Variants in EFCAB13 observed in about 807,000 individuals in gnomAD.
EFCAB13 encodes EF-hand calcium-binding domain-containing protein 13.
A neutral mutation model predicts 110.2 loss-of-function variants in EFCAB13; 91 were observed. The observed-to-expected ratio is 0.83, with a 90% CI of 0.70 to 0.98. The LOEUF (loss-of-function observed/expected upper bound fraction) is 0.98. Among genes scored for constraint, EFCAB13 ranks in the 50% least tolerant of loss-of-function variants. The pLI is 0.00. For synonymous variants in EFCAB13, 323 were observed against 369.9 expected (o/e 0.87, Z 1.45); for missense variants, 968 against 1,119.4 (o/e 0.86, Z 1.93).
At chr17:47,337,318 T>A (rs1204480433) in intron 5 of EFCAB13, among the ~76,000 whole-genome samples, 1 of 152,136 alleles carries the variant, frequency 6.6e-6, no homozygotes, top group Non-Finnish European at 1.5e-5. Flanking sequence ...GCTAAACAAT[T>A]CATACACATG....
At chr17:47,422,412 AAGAT>A (rs1904753441) in intron 23 of EFCAB13, among the ~76,000 whole-genome samples, 1 of 152,204 alleles carries the variant, frequency 6.6e-6, no homozygotes, top group Non-Finnish European at 1.5e-5. Flanking sequence ...CAGAATAAGA[AAGAT>A]AAGGATTAAA....
chr17:47,364,910 T>TA (rs1243564886), intron 10 of EFCAB13, among the ~76,000 whole-genome samples: 1 of 152,220 alleles, frequency 6.6e-6, no homozygotes, highest in Non-Finnish European at 1.5e-5. Flanking sequence ...TTCAACTATA[T>TA]ACCATGCCCC....
chr17:47,328,744 T>G (rs184671006), intron 4 of EFCAB13: 2 of 179,906 alleles, frequency 1.1e-5, no homozygotes, highest in Admixed American at 1.2e-4. Flanking sequence ...CAAATTTCTT[T>G]AGCCCTCTTA....
At chr17:47,362,743 G>A (rs548370406) in intron 10 of EFCAB13, among the ~76,000 whole-genome samples, 25 of 152,274 alleles carry the variant, frequency 1.6e-4, no homozygotes, top group South Asian at 4.1e-4. Flanking sequence ...AAATAATGGC[G>A]TAAGCTGTCT....
At chr17:47,380,707 G>C (rs577738216) in intron 14 of EFCAB13, among the ~76,000 whole-genome samples, 2 of 152,218 alleles carry the variant, frequency 1.3e-5, no homozygotes, top group Admixed American at 6.5e-5. Context: ...CAGTGTAAAA[G>C]CGTTCCTATT....
chr17:47,335,187 A>C lies in EFCAB13; in HGVS notation c.31-9A>C. 6.3e-7 allele frequency: 1 copy of C among 1,582,076 alleles called. No individual in the cohort carries two copies. Among genetic ancestry groups the C allele is most frequent in the Non-Finnish European group, 8.6e-7 (1 of 1,169,058 alleles). ...GGACATGCTTGATTGTGGCTCTTATATTCCCCAGGCAGAGGAAAATATTGA... is the reference window on the plus strand; with the variant it reads ...GGACATGCTTGATTGTGGCTCTTATCTTCCCCAGGCAGAGGAAAATATTGA... On this transcript the variant is annotated splice_polypyrimidine_tract_variant and intron_variant, in intron 4 of 24. Coordinates refer to ENST00000331493, the MANE Select transcript of EFCAB13 (RefSeq NM_152347.5).
chr17:47,407,320 T>C (rs1263879161), intron 20 of EFCAB13, among the ~76,000 whole-genome samples: 1 of 152,226 alleles, frequency 6.6e-6, no homozygotes. Flanking sequence ...TAGAAAGCTA[T>C]TGGAGTGGAG....
At chr17:47,389,454 G>T (rs2065694139) in intron 14 of EFCAB13, among the ~76,000 whole-genome samples, 1 of 152,042 alleles carries the variant, frequency 6.6e-6, no homozygotes, top group Non-Finnish European at 1.5e-5. Flanking sequence ...TCACTCAGCA[G>T]CCACTTTACA....
At position 47,377,844 on chromosome 17, in the gene EFCAB13, C is replaced by T. The variant is rs2065624891; in HGVS notation, c.1451C>T (p.Thr484Ile). Residue 484 changes from threonine to isoleucine, a missense_variant, in exon 13 of 25, where the codon ACA becomes ATA. Transcript: ENST00000331493. ...AEELQSILPSTGINLLDEEFQ... is the reference protein window; with the variant it reads ...AEELQSILPSIGINLLDEEFQ... Reference sequence around the variant, plus strand: ...GAACTTCAGTCTATTTTGCCTTCAACAGGAATTAATTTATTAGATGAAGAA... The same window carrying T: ...GAACTTCAGTCTATTTTGCCTTCAATAGGAATTAATTTATTAGATGAAGAA... The T allele has an allele frequency of 3.8e-6, 6 of 1,597,838 alleles. 1 individual carries two copies. The East Asian group carries it at 1.4e-4, about 36-fold the overall frequency.
chr17:47,344,699 G>A (rs2065405561), intron 7 of EFCAB13, among the ~76,000 whole-genome samples: 1 of 152,094 alleles, frequency 6.6e-6, no homozygotes, highest in African/African-American at 2.4e-5. Flanking sequence ...AGATGTTCTT[G>A]TTTGCTTTAT....
intron 17 of EFCAB13, among the ~76,000 whole-genome samples, chr17:47,397,103 A>G (rs947426117): frequency 1.4e-5 from 2 of 140,334 alleles, no homozygotes; most frequent in African/African-American, 2.7e-5. Context: ...GCTCACTGCA[A>G]CCTCCTTGCC....
intron 23 of EFCAB13, among the ~76,000 whole-genome samples, chr17:47,415,917 C>A (rs1270458166): frequency 6.6e-6 from 1 of 151,944 alleles, no homozygotes; most frequent in Non-Finnish European, 1.5e-5. Flanking sequence ...ATTAGGGAGA[C>A]CATTTCAACA....
intron 9 of EFCAB13, among the ~76,000 whole-genome samples, chr17:47,354,640 C>A (rs549501730): frequency 6.6e-6 from 1 of 152,280 alleles, no homozygotes; most frequent in East Asian, 1.9e-4. Context: ...CCTTTTTAAA[C>A]TGCTATTGCT....
intron 5 of EFCAB13, among the ~76,000 whole-genome samples, chr17:47,341,229 T>G (rs1196719794): frequency 6.6e-6 from 1 of 152,226 alleles, no homozygotes; most frequent in African/African-American, 2.4e-5. Flanking sequence ...CAGTCAATTA[T>G]GATGCTGGGA....
At chr17:47,371,091 TTTGAATTCC>T (rs1458863307) in intron 11 of EFCAB13, among the ~76,000 whole-genome samples, 2 of 151,196 alleles carry the variant, frequency 1.3e-5, no homozygotes, top group African/African-American at 2.4e-5. Flanking sequence ...TTTACTGTTG[TTTGAATTCC>T]TTGAATTCCT....
At chr17:47,417,677 TCAC>T (rs767600736) in intron 23 of EFCAB13, among the ~76,000 whole-genome samples, 19 of 152,192 alleles carry the variant, frequency 1.2e-4, no homozygotes, top group Non-Finnish European at 2.2e-4. Flanking sequence ...CTTTCACCCT[TCAC>T]CATTTTTTTT....
intron 6 of EFCAB13, among the ~76,000 whole-genome samples, chr17:47,343,071 A>G (rs2065394867): frequency 6.6e-6 from 1 of 152,034 alleles, no homozygotes; most frequent in African/African-American, 2.4e-5. Context: ...TGGGGGATCT[A>G]AATGTTGTGT....
At chr17:47,338,799 A>G (rs2065366914) in intron 5 of EFCAB13, among the ~76,000 whole-genome samples, 1 of 152,078 alleles carries the variant, frequency 6.6e-6, no homozygotes, top group Non-Finnish European at 1.5e-5. Flanking sequence ...TGAAGAGCAA[A>G]GTATGGGGGT....
rs542948773 is a variant in EFCAB13 at position 47,398,065 on chromosome 17, G to T, written c.1945+2088G>T. Among the ~76,000 whole-genome samples the T allele has an allele frequency of 1.3e-3, 191 of 141,668 alleles. 2 individuals are homozygous for T. Among genetic ancestry groups the T allele is most frequent in the African/African-American group, 5.6e-3 (186 of 33,386 alleles). The allele number at this position is 141,668 out of a possible 152,430, so 92.9% of individuals were successfully genotyped here. A position where few individuals can be genotyped will look rare whatever the true frequency, so the allele number is the denominator to read the frequency against. On this transcript the variant is annotated intron_variant, in intron 17 of 24. Transcript: ENST00000331493. ...GCCGCTCCGTCCGGGAGGGAGGTTG[G>T]GGGGTCAGCCCGCCGCCCGGCCAGC...
Sources: allele counts gnomAD v4.1 joint callset (sites outside exome capture counted in the v4.1 genomes callset), GRCh38; gene constraint gnomAD v4.1.1; transcripts MANE v1.5; gene names NCBI Gene and HGNC (gene_info 2026-07-23, HGNC 2026-07-21).